The following ZNF423 variants were observed in gnomAD, a reference collection of about 807,000 sequenced individuals.
ZNF423 encodes Ebf-associated zinc finger protein.
A neutral mutation model predicts 95.8 loss-of-function variants in ZNF423; 12 were observed. The ratio of observed to expected loss-of-function variants is 0.13; its 90% CI spans 0.08 to 0.20. The LOEUF is 0.20. ZNF423 is among the 10% of genes least tolerant of loss of function. ZNF423 has a pLI of 1.00. For missense variants in ZNF423, 1,316 were observed against 1,737.1 expected, an observed-to-expected ratio of 0.76 and a Z score of 4.31; for synonymous variants, 749 against 711.9, an observed-to-expected ratio of 1.05 and a Z score of -0.83.
Position 49,855,508 on chromosome 16 carries a change from C to CACT in ZNF423, c.40+226_40+227insAGT, listed in dbSNP as rs1555490824. 3.0e-5 allele frequency among the ~76,000 whole-genome samples: 3 copies of CACT among 100,510 alleles called. No homozygotes were observed. In the South Asian group the frequency reaches 1.1e-3, roughly 36 times the overall value. 65.9% of individuals were successfully genotyped at this position (100,510 alleles called of 152,430 possible). ...GCAGGGAGGGTGTCCGCGGCGTACC[C>CACT]CCTCCGCCGCCGCCGCCGCCGCCGC... On this transcript the variant is annotated intron_variant, in intron 1 of 7. Transcript: ENST00000563137. This position sits in a 1 kb window ranked among gnomAD's most constrained non-coding sequence, Gnocchi z 4.7.
intron 3 of ZNF423, among the ~76,000 whole-genome samples, chr16:49,702,665 G>A (rs2032221759): frequency 6.6e-6 from 1 of 152,258 alleles, no homozygotes; most frequent in Non-Finnish European, 1.5e-5. Flanking sequence ...GCTCAAGAAA[G>A]TGATCTGTGA....
intron 3 of ZNF423, among the ~76,000 whole-genome samples, chr16:49,647,722 C>A (rs1973232713): frequency 6.6e-6 from 1 of 152,208 alleles, no homozygotes; most frequent in East Asian, 1.9e-4. Context: ...GGAATGCGGC[C>A]CTGCCAACAC....
At chr16:49,760,339 T>G (rs1190719677) in intron 2 of ZNF423, among the ~76,000 whole-genome samples, 1 of 148,328 alleles carries the variant, frequency 6.7e-6, no homozygotes, top group Non-Finnish European at 1.5e-5. Context: ...TGGGTAGATG[T>G]ATGGATTAAT....
rs565183924 is a variant in ZNF423, at chr16:49,854,780, TG to T, written c.40+954del. 59 of 985,310 alleles carry T rather than the reference TG, an allele frequency of 6.0e-5. No individual in the cohort carries two copies. The African/African-American group carries it at 9.9e-4, about 17-fold the overall frequency. 61.0% of individuals were successfully genotyped at this position (985,310 alleles called of 1,614,324 possible). On this transcript the variant is annotated intron_variant, in intron 1 of 7. Transcript: ENST00000563137. ...CTACTCTCCAGGGGTCCCCTCGAGC[TG>T]GGGGCCCTCGCTGGAAATAGAAAGC...
chr16:49,714,186 G>A (rs1434569266), intron 3 of ZNF423, among the ~76,000 whole-genome samples: 2 of 152,214 alleles, frequency 1.3e-5, no homozygotes, highest in African/African-American at 2.4e-5. Context: ...TCCGAAGGGC[G>A]GGAGCCAATT....
intron 7 of ZNF423, among the ~76,000 whole-genome samples, chr16:49,511,262 A>C (rs1967885884): frequency 6.6e-6 from 1 of 152,186 alleles, no homozygotes; most frequent in Admixed American, 6.5e-5. Context: ...CGGGAGCTGC[A>C]TGCAGCCTCC....
chr16:49,778,209 G>A (rs970443858), intron 2 of ZNF423, among the ~76,000 whole-genome samples: 2 of 152,138 alleles, frequency 1.3e-5, no homozygotes, highest in African/African-American at 4.8e-5. Flanking sequence ...GTGTGTGTGC[G>A]TGTGTGTGCA....
intron 3 of ZNF423, among the ~76,000 whole-genome samples, chr16:49,700,083 T>C (rs2032117496): frequency 6.6e-6 from 1 of 151,648 alleles, no homozygotes; most frequent in Non-Finnish European, 1.5e-5. Context: ...CCAGGCCTCC[T>C]TGATCAGGCA....
At chr16:49,764,949 C>T (rs542773501) in intron 2 of ZNF423, among the ~76,000 whole-genome samples, 12 of 149,662 alleles carry the variant, frequency 8.0e-5, no homozygotes, top group Middle Eastern at 3.4e-3. Context: ...AGTAGAGACG[C>T]GGTTTCACCA....
chr16:49,543,334 A>C (rs1490483676), intron 5 of ZNF423, among the ~76,000 whole-genome samples: 2 of 151,878 alleles, frequency 1.3e-5, no homozygotes, highest in Non-Finnish European at 2.9e-5. Flanking sequence ...TCAGCCCCCC[A>C]ATCCCCACAG....
At chr16:49,724,870 A>G (rs2143309024) in intron 3 of ZNF423, among the ~76,000 whole-genome samples, 1 of 152,224 alleles carries the variant, frequency 6.6e-6, no homozygotes, top group East Asian at 1.9e-4. Context: ...AAATTAACCC[A>G]CCAGGAACAC....
chr16:49,597,548 A>G (rs2151826026), intron 5 of ZNF423, among the ~76,000 whole-genome samples: 1 of 152,204 alleles, frequency 6.6e-6, no homozygotes, highest in Non-Finnish European at 1.5e-5. Context: ...AAATGTGGCT[A>G]GTAGAAAATT....
rs188555249 is a variant in ZNF423, at chr16:49,506,965, A to G, written c.3850-15661T>C. ...TGTAGATGAATGGATGAATGGTGGGAGGAAGAGGAGTGCATGAATAAATAA... is the reference window on the plus strand; with the variant it reads ...TGTAGATGAATGGATGAATGGTGGGGGGAAGAGGAGTGCATGAATAAATAA... On this transcript the variant is annotated intron_variant, in intron 7 of 7. Transcript: ENST00000563137. 2.0e-5 allele frequency among the ~76,000 whole-genome samples: 3 copies of G among 152,156 alleles called. No individual in the cohort carries two copies. The East Asian group carries it at 5.8e-4, about 29-fold the overall frequency.
intron 1 of ZNF423, among the ~76,000 whole-genome samples, chr16:49,805,298 T>C (rs1280865212): frequency 6.6e-6 from 1 of 152,140 alleles, no homozygotes; most frequent in Non-Finnish European, 1.5e-5. Context: ...GAGACAACCA[T>C]CACATACCTG....
rs1596763136 is a variant in ZNF423 at position 49,637,583 on chromosome 16, G to A, written c.1593C>T (p.Ser531=). The part of the protein sequence containing the change: ...GNNAFFCNQC[S]MGFLTESSLT... ...GGGAGGACTCAGTAAGGAAACCCAT[G>A]GAGCACTGGTTGCAGAAGAAAGCAT... is the stretch of plus-strand genomic sequence containing the variant. The change falls in exon 4 of 8, where the codon TCC becomes TCT. Residue 531 remains serine, a synonymous_variant. Coordinates refer to ENST00000563137, the MANE Select transcript of ZNF423 (RefSeq NM_001379286.1). This position sits in a 1 kb window ranked among gnomAD's most constrained non-coding sequence, Gnocchi z 5.6. 2 of 1,613,962 alleles carry A rather than the reference G, an allele frequency of 1.2e-6. No individual in the cohort carries two copies. The highest frequency in any genetic ancestry group is 1.7e-6 in the Non-Finnish European group (2 of 1,180,038).
At chr16:49,601,360 G>T (rs932411431) in intron 5 of ZNF423, among the ~76,000 whole-genome samples, 1 of 152,208 alleles carries the variant, frequency 6.6e-6, no homozygotes, top group East Asian at 1.9e-4. Context: ...TCCCTTTGGG[G>T]CTGATGGGAG....
intron 3 of ZNF423, among the ~76,000 whole-genome samples, chr16:49,680,394 C>T (rs899318115): frequency 1.1e-4 from 17 of 152,224 alleles, no homozygotes; most frequent in African/African-American, 3.4e-4. Flanking sequence ...GAACTTGGTA[C>T]GTGCTGAATG....
At chr16:49,550,533 T>C (rs577649038) in intron 5 of ZNF423, among the ~76,000 whole-genome samples, 1 of 152,380 alleles carries the variant, frequency 6.6e-6, no homozygotes, top group East Asian at 1.9e-4. Flanking sequence ...CACAAGTCTG[T>C]GGCCCAGCCA....
intron 1 of ZNF423, among the ~76,000 whole-genome samples, chr16:49,807,249 G>T (rs2034679013): frequency 6.6e-6 from 1 of 151,936 alleles, no homozygotes; most frequent in African/African-American, 2.4e-5. Context: ...GGCTAATGCG[G>T]TGAAACCCCA....
Sources: gnomAD v4.1 joint callset for allele counts (sites outside exome capture counted in the v4.1 genomes callset) on GRCh38, gnomAD v4.1.1 for gene constraint, Gnocchi (gnomAD v3.1) non-coding constraint, MANE v1.5 for transcripts, NCBI Gene and HGNC (gene_info 2026-07-23, HGNC 2026-07-21) for gene names.